HS6ST2: variants seen among roughly 807,000 people sequenced by gnomAD.
The protein encoded by HS6ST2 is heparan sulfate 6-O-sulfotransferase 2, also known as heparan-sulfate 6-O-sulfotransferase 2.
A neutral mutation model predicts 33.0 loss-of-function variants in HS6ST2; 17 were observed. The observed-to-expected ratio is 0.52, with a 90% CI of 0.35 to 0.77. The LOEUF (loss-of-function observed/expected upper bound fraction) is 0.77, where lower values mean the gene tolerates loss of function less well. Among genes scored for constraint, HS6ST2 ranks in the 30% least tolerant of loss-of-function variants. The pLI is 0.01. For synonymous variants in HS6ST2, 248 were observed against 237.1 expected (o/e 1.05, Z -0.42); for missense variants, 519 against 551.7 (o/e 0.94, Z 0.59).
chrX:132,783,445 G>T (rs1453773065), intron 2 of HS6ST2, among the ~76,000 whole-genome samples: 2 of 111,375 alleles, frequency 1.8e-5, no homozygotes, highest in Middle Eastern at 4.6e-3. Context: ...GCCCAGGCAC[G>T]TGCAGTCTCT....
At position 132,796,288 on chromosome X, in the gene HS6ST2, G is replaced by A. The variant is rs578060681; in HGVS notation, c.948-87794C>T. ...GTTTCTGTTCTCCTTATGAAAGCTCGTTAACTATGAATATTTTCCATCCAA... is the reference window on the plus strand; with the variant it reads ...GTTTCTGTTCTCCTTATGAAAGCTCATTAACTATGAATATTTTCCATCCAA... On this transcript the variant is annotated intron_variant, in intron 2 of 4. Transcript: ENST00000370833. Among the ~76,000 whole-genome samples, 3 of 111,631 alleles carry A rather than the reference G, an allele frequency of 2.7e-5. No individual in the cohort carries two copies. In the East Asian group the frequency reaches 8.5e-4, roughly 31 times the overall value.
At chrX:132,655,352 TAAC>T (rs1186803870) in intron 4 of HS6ST2, among the ~76,000 whole-genome samples, 13 of 111,487 alleles carry the variant, frequency 1.2e-4, no homozygotes, top group Admixed American at 7.6e-4. Context: ...ATATAAGTAA[TAAC>T]AACGATTCCA....
intron 2 of HS6ST2, among the ~76,000 whole-genome samples, chrX:132,827,061 A>G (rs1386916390): frequency 2.7e-5 from 3 of 111,795 alleles, no homozygotes; most frequent in Non-Finnish European, 5.6e-5. Flanking sequence ...AAACTCAGTG[A>G]CCAATGTTGG....
At chrX:132,916,551 A>C (rs1290086683) in intron 2 of HS6ST2, among the ~76,000 whole-genome samples, 1 of 111,945 alleles carries the variant, frequency 8.9e-6, no homozygotes, top group Non-Finnish European at 1.9e-5. Context: ...GGGTAGACCC[A>C]CCCTCAATCT....
At chrX:132,781,573 C>T (rs1467797358) in intron 2 of HS6ST2, among the ~76,000 whole-genome samples, 2 of 111,522 alleles carry the variant, frequency 1.8e-5, no homozygotes, top group Non-Finnish European at 3.8e-5. Flanking sequence ...TTTTATACTG[C>T]TATAAAGAAC....
intron 2 of HS6ST2, among the ~76,000 whole-genome samples, chrX:132,883,628 G>T (rs1466915733): frequency 9.0e-6 from 1 of 110,913 alleles, no homozygotes; most frequent in African/African-American, 3.3e-5. Context: ...TTTTAAGAGG[G>T]TCAAGATGTT....
At chrX:132,812,568 A>G (rs2065359350) in intron 2 of HS6ST2, among the ~76,000 whole-genome samples, 1 of 88,050 alleles carries the variant, frequency 1.1e-5, no homozygotes, top group African/African-American at 4.7e-5. Context: ...GGCCATTTGT[A>G]TATCTTTTTT....
intron 4 of HS6ST2, among the ~76,000 whole-genome samples, chrX:132,636,709 G>A (rs769957937): frequency 1.8e-5 from 2 of 111,536 alleles, no homozygotes; most frequent in South Asian, 3.8e-4. Context: ...TTTCTGGGCC[G>A]AAGTCCTGTT....
intron 3 of HS6ST2, among the ~76,000 whole-genome samples, chrX:132,691,376 T>C (rs751382616): frequency 1.3e-4 from 14 of 111,523 alleles, no homozygotes; most frequent in Non-Finnish European, 2.3e-4. Context: ...AATGATCACA[T>C]GAAATAACTC....
intron 2 of HS6ST2, among the ~76,000 whole-genome samples, chrX:132,829,434 G>A (rs1319773978): frequency 8.3e-5 from 9 of 108,405 alleles, no homozygotes; most frequent in African/African-American, 3.0e-4. Flanking sequence ...AGAGAGATCT[G>A]GGATCTGGGT....
chrX:132,941,385 A>C (rs775727078), intron 2 of HS6ST2, among the ~76,000 whole-genome samples: 16 of 112,003 alleles, frequency 1.4e-4, no homozygotes, highest in African/African-American at 5.2e-4. Flanking sequence ...GCAGCCAAAA[A>C]GTGTACTTTC....
chrX:132,680,154 T>G (rs1172282894), intron 3 of HS6ST2, among the ~76,000 whole-genome samples: 2 of 108,818 alleles, frequency 1.8e-5, no homozygotes, highest in East Asian at 5.7e-4. Context: ...CCATGAAATC[T>G]TCACAATTTA....
At chrX:132,844,886 A>G (rs758183493) in intron 2 of HS6ST2, among the ~76,000 whole-genome samples, 23 of 110,146 alleles carry the variant, frequency 2.1e-4, no homozygotes, top group African/African-American at 7.2e-4. Flanking sequence ...AGAGGCATCT[A>G]CTATGCTGAG....
At chrX:132,711,626 T>C (rs1265852440) in intron 2 of HS6ST2, among the ~76,000 whole-genome samples, 2 of 111,597 alleles carry the variant, frequency 1.8e-5, no homozygotes, top group Non-Finnish European at 3.8e-5. Flanking sequence ...ATTTTCTCAG[T>C]ACAACATGCT....
At chrX:132,700,067 C>T (rs1163840720) in intron 3 of HS6ST2, among the ~76,000 whole-genome samples, 1 of 111,783 alleles carries the variant, frequency 8.9e-6, no homozygotes, top group African/African-American at 3.3e-5. Context: ...TGAACAAGAG[C>T]TCCCAGGGAA....
At chrX:132,892,519 A>T (rs2066326979) in intron 2 of HS6ST2, among the ~76,000 whole-genome samples, 1 of 112,498 alleles carries the variant, frequency 8.9e-6, no homozygotes, top group Admixed American at 9.5e-5. Flanking sequence ...CAAGAGCCTG[A>T]TATAAAATGG....
At chrX:132,907,088 G>A (rs2066482657) in intron 2 of HS6ST2, among the ~76,000 whole-genome samples, 1 of 112,439 alleles carries the variant, frequency 8.9e-6, no homozygotes, top group Non-Finnish European at 1.9e-5. Context: ...CATCCCAGAA[G>A]CAGATGCCAG....
chrX:132,655,156 TG>T (rs920263096), intron 4 of HS6ST2, among the ~76,000 whole-genome samples: 5 of 112,107 alleles, frequency 4.5e-5, no homozygotes, highest in Non-Finnish European at 5.6e-5. Flanking sequence ...CCCCAGCATC[TG>T]GTAATGTGCC....
Position 132,860,101 on chromosome X carries a change from C to T in HS6ST2, c.947+96707G>A, listed in dbSNP as rs1034959840. Among the ~76,000 whole-genome samples, 5 of 111,764 alleles carry T rather than the reference C, an allele frequency of 4.5e-5. No individual in the cohort carries two copies. In the East Asian group the frequency reaches 1.1e-3, roughly 25 times the overall value. ...ACAGTAGCTCTGTATCAGGCATCTG[C>T]GCATGTGTGGGGGACACGGTGGGTA... On this transcript the variant is annotated intron_variant, in intron 2 of 4. Transcript: ENST00000370833.
Sources: gnomAD v4.1 joint callset for allele counts (sites outside exome capture counted in the v4.1 genomes callset) on GRCh38, gnomAD v4.1.1 for gene constraint, MANE v1.5 for transcripts, NCBI Gene and HGNC (gene_info 2026-07-23, HGNC 2026-07-21) for gene names.